DSCAM: variants seen among roughly 807,000 people sequenced by gnomAD.
DSCAM encodes the protein DS cell adhesion molecule, also known as cell adhesion molecule DSCAM.
Under a neutral mutation model 217.7 loss-of-function variants are expected in DSCAM, and 47 were observed. The observed-to-expected ratio is 0.22, with a 90% confidence interval of 0.17 to 0.28. DSCAM has a LOEUF of 0.28. Ranked by LOEUF, DSCAM falls within the 10% of genes least tolerant of loss-of-function variation. The probability of loss-of-function intolerance (pLI) is 1.00; values close to 1 mark genes in which losing one functional copy is unlikely to be tolerated. For synonymous variants in DSCAM, 1,056 were observed against 1,015.3 expected, an observed-to-expected ratio of 1.04 and a Z score of -0.76; for missense variants, 2,080 against 2,618.3, an observed-to-expected ratio of 0.79 and a Z score of 4.49.
chr21:40,756,885 G>C (rs1384293839), intron 1 of DSCAM, among the ~76,000 whole-genome samples: 2 of 152,034 alleles, frequency 1.3e-5, no homozygotes, highest in African/African-American at 2.4e-5. Context: ...AGGTAGTATT[G>C]CAAGCCAGAC....
chr21:40,185,788 C>T (rs1310286893), intron 14 of DSCAM, among the ~76,000 whole-genome samples: 6 of 152,202 alleles, frequency 3.9e-5, no homozygotes, highest in African/African-American at 1.4e-4. Flanking sequence ...ACCTGTTGGT[C>T]CTAGTCCCCA....
chr21:40,550,324 A>G (rs2076619431), intron 3 of DSCAM, among the ~76,000 whole-genome samples: 1 of 152,186 alleles, frequency 6.6e-6, no homozygotes, highest in African/African-American at 2.4e-5. Context: ...CAGAAGTTTG[A>G]GACCATCCTG....
chr21:40,470,819 G>A (rs573267613), intron 3 of DSCAM, among the ~76,000 whole-genome samples: 1 of 152,184 alleles, frequency 6.6e-6, no homozygotes, highest in African/African-American at 2.4e-5. Context: ...CTCCCAAAGT[G>A]ATGGGATTAC....
intron 11 of DSCAM, among the ~76,000 whole-genome samples, chr21:40,213,344 C>G (rs1735833999): frequency 6.6e-6 from 1 of 152,188 alleles, no homozygotes; most frequent in African/African-American, 2.4e-5. Context: ...GATCCTGCTG[C>G]TGCCTCACAG....
At chr21:40,046,904 T>C (rs867328310) in intron 30 of DSCAM, among the ~76,000 whole-genome samples, 2 of 151,956 alleles carry the variant, frequency 1.3e-5, no homozygotes, top group Non-Finnish European at 2.9e-5. Flanking sequence ...ATCTTCACTG[T>C]CATAGCCCCT....
At chr21:40,245,353 G>A (rs887757926) in intron 11 of DSCAM, among the ~76,000 whole-genome samples, 30 of 152,264 alleles carry the variant, frequency 2.0e-4, no homozygotes, top group Admixed American at 7.8e-4. Flanking sequence ...GCAAGTCCTC[G>A]TGTCTGGGAA....
At chr21:40,237,459 G>C (rs1476216673) in intron 11 of DSCAM, among the ~76,000 whole-genome samples, 1 of 152,176 alleles carries the variant, frequency 6.6e-6, no homozygotes, top group Non-Finnish European at 1.5e-5. Context: ...GTGAGAACAC[G>C]TGGTGTTTGG....
Position 40,013,209 on chromosome 21 carries a change from G to A in DSCAM, c.5864C>T (p.Ser1955Phe), listed in dbSNP as rs868185940. 1.2e-6 allele frequency: 2 copies of A among 1,613,626 alleles called. No homozygotes were observed. Among genetic ancestry groups the A allele is most frequent in the Non-Finnish European group, 8.5e-7 (1 of 1,179,800 alleles). The change falls in exon 33 of 33, where the codon TCC becomes TTC. Residue 1955 changes from serine to phenylalanine, a missense_variant. Coordinates refer to ENST00000400454, the MANE Select transcript of DSCAM (RefSeq NM_001389.5). ...CCACGACTGTCCTTCTCTCGTGGAG[G>A]AGGCGGAGGAGGCGGCTTCCATCGG... ...PIPMEAASSA[S>F]STREGQSWQP...
intron 3 of DSCAM, among the ~76,000 whole-genome samples, chr21:40,669,351 C>G (rs567159155): frequency 1.4e-4 from 21 of 152,262 alleles, no homozygotes; most frequent in African/African-American, 5.1e-4. Flanking sequence ...CACACTTCCA[C>G]AATCCACGTG....
chr21:40,142,000 G>A (rs988473249), intron 18 of DSCAM, among the ~76,000 whole-genome samples: 6 of 62,980 alleles, frequency 9.5e-5, no homozygotes, highest in Non-Finnish European at 2.7e-4. Flanking sequence ...ACACACACAC[G>A]ATAAAGAACA....
At position 40,376,729 on chromosome 21, in the gene DSCAM, A is replaced by G. The variant is rs1028675651; in HGVS notation, c.509-7484T>C. ...ATATAGATATCTATATATCATATAT[A>G]TGATATATATAAAGGATTACATGCA... On this transcript the variant is annotated intron_variant, in intron 3 of 32. Transcript: ENST00000400454. Among the ~76,000 whole-genome samples, 8 of 147,334 alleles carry G rather than the reference A, an allele frequency of 5.4e-5. No homozygotes were observed. The East Asian group carries it at 1.2e-3, about 22-fold the overall frequency.
chr21:40,446,616 T>C (rs2837630), intron 3 of DSCAM, among the ~76,000 whole-genome samples: 33,571 of 152,130 alleles, frequency 0.22, 4,721 homozygotes, highest in African/African-American at 0.39. Context: ...GTTTAGTGTG[T>C]GGTTTACAAT....
intron 1 of DSCAM, among the ~76,000 whole-genome samples, chr21:40,838,233 T>C (rs1215874295): frequency 6.6e-6 from 1 of 152,256 alleles, no homozygotes; most frequent in African/African-American, 2.4e-5. Flanking sequence ...CAGCAGTTCA[T>C]GCTTATGAGA....
intron 21 of DSCAM, among the ~76,000 whole-genome samples, chr21:40,090,499 T>G (rs2089594245): frequency 6.6e-6 from 1 of 152,198 alleles, no homozygotes; most frequent in South Asian, 2.1e-4. Flanking sequence ...GTGTGGCCAC[T>G]GAGGGGCATT....
intron 3 of DSCAM, among the ~76,000 whole-genome samples, chr21:40,430,059 A>G (rs1185480213): frequency 1.3e-5 from 2 of 152,212 alleles, no homozygotes; most frequent in African/African-American, 4.8e-5. Flanking sequence ...TCTGAAGAGT[A>G]CCCTCACACA....
At chr21:40,787,778 AGAGTATAAGGAT>A (rs1444924601) in intron 1 of DSCAM, among the ~76,000 whole-genome samples, 1 of 152,132 alleles carries the variant, frequency 6.6e-6, no homozygotes, top group African/African-American at 2.4e-5. Context: ...TAAACTTAAG[AGAGTATAAGGAT>A]CAGAATTCGA....
intron 21 of DSCAM, among the ~76,000 whole-genome samples, chr21:40,092,387 C>T (rs1458896261): frequency 6.6e-6 from 1 of 152,166 alleles, no homozygotes; most frequent in Non-Finnish European, 1.5e-5. Context: ...TTTCAGCAGT[C>T]AGCCTCCCTT....
At chr21:40,441,136 G>C (rs1362479307) in intron 3 of DSCAM, among the ~76,000 whole-genome samples, 1 of 152,154 alleles carries the variant, frequency 6.6e-6, no homozygotes, top group Non-Finnish European at 1.5e-5. Context: ...GTCTGTCTCT[G>C]AGTGCCAAGT....
rs551181564 is a variant in DSCAM, at chr21:40,457,520, TAATAA to T, written c.509-88280_509-88276del. ...GAGAAAGACCCTGTCTCAAAAAAAA[TAATAA>T]AATAAAACAAACAAACAAACAAACA... On this transcript the variant is annotated intron_variant, in intron 3 of 32. Transcript: ENST00000400454. Among the ~76,000 whole-genome samples the T allele has an allele frequency of 8.6e-4, 122 of 142,222 alleles. 1 individual carries two copies. The highest frequency in any genetic ancestry group is 3.1e-3 in the African/African-American group (114 of 36,646). The allele number at this position is 142,222 out of a possible 152,430, so 93.3% of individuals were successfully genotyped here.
Sources: allele counts gnomAD v4.1 joint callset (sites outside exome capture counted in the v4.1 genomes callset), GRCh38; gene constraint gnomAD v4.1.1; transcripts MANE v1.5; gene names NCBI Gene and HGNC (gene_info 2026-07-23, HGNC 2026-07-21).